DNAH11: variants seen among roughly 807,000 people sequenced by gnomAD.
The protein encoded by DNAH11 is axonemal beta dynein heavy chain 11.
A neutral mutation model predicts 526.0 loss-of-function variants in DNAH11; 442 were observed. The ratio of observed to expected loss-of-function variants is 0.84; its 90% confidence interval spans 0.78 to 0.91. The LOEUF is 0.91. DNAH11 is among the 40% of genes least tolerant of loss of function. The pLI, the probability that DNAH11 is intolerant of heterozygous loss-of-function variation, is 0.00. For synonymous variants in DNAH11, 2,461 were observed against 1,935.9 expected (o/e 1.27, Z -7.12); for missense variants, 6,989 against 5,448.7 (o/e 1.28, Z -8.90).
chr7:21,680,026 G>A (rs1783073908), intron 30 of DNAH11, among the ~76,000 whole-genome samples: 2 of 152,164 alleles, frequency 1.3e-5, no homozygotes, highest in South Asian at 4.1e-4. Flanking sequence ...AACGTGCTTA[G>A]TCAGTGCCTG....
At chr7:21,676,576 G>A (rs1024979653) in intron 30 of DNAH11, among the ~76,000 whole-genome samples, 3 of 152,208 alleles carry the variant, frequency 2.0e-5, no homozygotes, top group African/African-American at 7.2e-5. Flanking sequence ...ATATGATGCT[G>A]TGCAGATTAT....
chr7:21,900,951 C>G, intron 81 of DNAH11, 56 bp from the exon 82 acceptor site: 1 of 1,504,112 alleles, frequency 6.6e-7, no homozygotes, highest in Non-Finnish European at 8.9e-7. Flanking sequence ...CTTACTTGAT[C>G]ATTATCATTA....
chr7:21,845,819 G>C (rs1583765345), intron 66 of DNAH11, among the ~76,000 whole-genome samples: 1 of 152,032 alleles, frequency 6.6e-6, no homozygotes, highest in Non-Finnish European at 1.5e-5. Context: ...AACAATAATG[G>C]CTTAACAATA....
chr7:21,623,531 C>T (rs1222487803), intron 25 of DNAH11, among the ~76,000 whole-genome samples: 1 of 152,108 alleles, frequency 6.6e-6, no homozygotes, highest in Non-Finnish European at 1.5e-5. Flanking sequence ...TTTATTGTGG[C>T]ACTATTCACA....
Position 21,548,718 on chromosome 7 carries a change from A to G in DNAH11, c.495+3569A>G, listed in dbSNP as rs117323209. On this transcript the variant is annotated intron_variant, in intron 2 of 81. Transcript: ENST00000409508. ...CTGGGTAATTGCCATTGCCTGACTCACTCGTGATGTTTAGGAAGTGGATAC... is the reference window on the plus strand; with the variant it reads ...CTGGGTAATTGCCATTGCCTGACTCGCTCGTGATGTTTAGGAAGTGGATAC... Among the ~76,000 whole-genome samples, 1,114 of 152,146 alleles carry G rather than the reference A, an allele frequency of 7.3e-3. 6 individuals carry two copies. Among genetic ancestry groups the G allele is most frequent in the Non-Finnish European group, 0.012 (839 of 67,992 alleles).
intron 65 of DNAH11, among the ~76,000 whole-genome samples, chr7:21,831,725 G>C (rs1318562552): frequency 1.3e-5 from 2 of 152,202 alleles, no homozygotes; most frequent in Non-Finnish European, 2.9e-5. Context: ...GAGAGACACA[G>C]AGTGAGGAAG....
intron 35 of DNAH11, among the ~76,000 whole-genome samples, chr7:21,691,162 T>C (rs911796070): frequency 1.3e-4 from 17 of 134,950 alleles, no homozygotes; most frequent in Admixed American, 9.9e-4. Flanking sequence ...ACATAATCTT[T>C]CATAATTTTT....
chr7:21,555,276 G>C (rs910987823), intron 2 of DNAH11, among the ~76,000 whole-genome samples: 6 of 152,148 alleles, frequency 3.9e-5, no homozygotes, highest in African/African-American at 1.4e-4. Flanking sequence ...AAACAGCAAC[G>C]CTTTATCATC....
intron 57 of DNAH11, among the ~76,000 whole-genome samples, chr7:21,783,857 G>T (rs369424410): frequency 1.3e-5 from 2 of 152,118 alleles, no homozygotes; most frequent in African/African-American, 4.8e-5. Flanking sequence ...TATCATGTCC[G>T]TGGAGAAACC....
rs771896570 is a variant in DNAH11 at position 21,589,212 on chromosome 7, T to C, written c.1978T>C (p.Leu660=). 1.8e-5 allele frequency: 28 copies of C among 1,593,074 alleles called. 2 individuals carry two copies. The South Asian group carries it at 3.2e-4, about 18-fold the overall frequency. Residue 660 remains leucine (L), a synonymous_variant, in exon 12 of 82, where the codon TTG becomes CTG. Coordinates refer to ENST00000409508, the MANE Select transcript of DNAH11 (RefSeq NM_001277115.2). ...SNFASLRYLF[L]GNPDHALVYQ... ...AGAAAAACCTTATTCCTACAGATTTTTGGGCAATCCTGATCACGCTTTAGT... is the reference window on the plus strand; with the variant it reads ...AGAAAAACCTTATTCCTACAGATTTCTGGGCAATCCTGATCACGCTTTAGT...
chr7:21,900,960 TAGTAGCAAGCTGCCACAC>T, intron 81 of DNAH11, 29 bp from the exon 82 acceptor site: 1 of 1,520,330 alleles, frequency 6.6e-7, no homozygotes, highest in Non-Finnish European at 8.8e-7. Flanking sequence ...TCATTATCAT[TAGTAGCAAGCTGCCACAC>T]AATTGCAACC....
chr7:21,859,511 C>G (rs368148760), intron 68 of DNAH11, among the ~76,000 whole-genome samples: 26 of 152,268 alleles, frequency 1.7e-4, no homozygotes, highest in African/African-American at 6.3e-4. Context: ...AAATCTGAAA[C>G]ACTTCTGGCC....
chr7:21,726,816 G>A (rs1179574380), intron 45 of DNAH11, among the ~76,000 whole-genome samples: 15 of 84,866 alleles, frequency 1.8e-4, no homozygotes, highest in African/African-American at 4.1e-4. Flanking sequence ...AGCCGAGATC[G>A]CGCCACTGCA....
chr7:21,826,827 C>T (rs1467410871), intron 65 of DNAH11, among the ~76,000 whole-genome samples: 1 of 152,142 alleles, frequency 6.6e-6, no homozygotes, highest in African/African-American at 2.4e-5. Flanking sequence ...AAGTTTTTGG[C>T]TATCAATAGT....
chr7:21,674,287 C>T (rs146059065), intron 30 of DNAH11, among the ~76,000 whole-genome samples: 1,531 of 152,170 alleles, frequency 0.01, 25 homozygotes, highest in African/African-American at 0.035. Context: ...AACTCCTGAT[C>T]TCAGGTGATC....
intron 65 of DNAH11, among the ~76,000 whole-genome samples, chr7:21,834,922 CA>C (rs1781936348): frequency 6.6e-6 from 1 of 151,964 alleles, no homozygotes; most frequent in African/African-American, 2.4e-5. Context: ...TCAAAAGTTT[CA>C]AATCAGAGAC....
intron 46 of DNAH11, among the ~76,000 whole-genome samples, chr7:21,738,033 A>G (rs972670230): frequency 1.3e-5 from 2 of 152,214 alleles, no homozygotes; most frequent in African/African-American, 4.8e-5. Flanking sequence ...TGAATATGAC[A>G]TAGTTCCTTG....
intron 61 of DNAH11, among the ~76,000 whole-genome samples, chr7:21,791,721 C>T (rs1408687549): frequency 6.6e-6 from 1 of 152,210 alleles, no homozygotes; most frequent in African/African-American, 2.4e-5. Flanking sequence ...TAGTGTGCAA[C>T]ATACAGTAGA....
At chr7:21,885,572 C>G (rs545203108) in intron 76 of DNAH11, among the ~76,000 whole-genome samples, 132 of 152,076 alleles carry the variant, frequency 8.7e-4, no homozygotes, top group African/African-American at 3.1e-3. Flanking sequence ...GTCAACAATA[C>G]AATATTGTAT....
Sources: allele counts gnomAD v4.1 joint callset (sites outside exome capture counted in the v4.1 genomes callset), GRCh38; gene constraint gnomAD v4.1.1; transcripts MANE v1.5; gene names NCBI Gene and HGNC (gene_info 2026-07-23, HGNC 2026-07-21).